DNAH12: variants seen among roughly 807,000 people sequenced by gnomAD.
DNAH12 encodes axonemal beta dynein heavy chain 12.
Under a neutral mutation model 371.5 loss-of-function variants are expected in DNAH12, and 285 were observed. That is an observed-to-expected ratio of 0.77 (90% confidence interval 0.70 to 0.85). The LOEUF (loss-of-function observed/expected upper bound fraction) is 0.85. Among genes scored for constraint, DNAH12 ranks in the 40% least tolerant of loss-of-function variants. The probability of loss-of-function intolerance (pLI) is 0.00; values close to 1 mark genes in which losing one functional copy is unlikely to be tolerated. For missense variants in DNAH12, 3,611 were observed against 3,689.4 expected (o/e 0.98, Z 0.55); for synonymous variants, 1,200 against 1,213.0 (o/e 0.99, Z 0.22).
intron 17 of DNAH12, among the ~76,000 whole-genome samples, chr3:57,467,283 T>C (rs569736884): frequency 2.0e-5 from 3 of 152,092 alleles, no homozygotes; most frequent in Admixed American, 2.0e-4. Flanking sequence ...CATGCTCAAC[T>C]AATTTTTTGT....
chr3:57,361,444 C>CACACAATATATATATATATATATATA (rs1409626573), intron 58 of DNAH12, among the ~76,000 whole-genome samples: 1 of 116,722 alleles, frequency 8.6e-6, no homozygotes, highest in African/African-American at 4.2e-5. Context: ...CACACACACA[C>CACACAATATATATATATATATATATA]TATATATATA....
At chr3:57,438,362 T>C (rs2065196041) in intron 29 of DNAH12, among the ~76,000 whole-genome samples, 1 of 151,566 alleles carries the variant, frequency 6.6e-6, no homozygotes, top group African/African-American at 2.4e-5. Context: ...ACAAAACATC[T>C]TAGCCTGTAT....
At chr3:57,369,878 G>A (rs1414549334) in intron 55 of DNAH12, among the ~76,000 whole-genome samples, 3 of 151,886 alleles carry the variant, frequency 2.0e-5, no homozygotes, top group African/African-American at 7.3e-5. Context: ...AAATGTTCTT[G>A]GTTATCCAAT....
At chr3:57,491,767 T>C (rs989958771) in intron 11 of DNAH12, among the ~76,000 whole-genome samples, 3 of 147,764 alleles carry the variant, frequency 2.0e-5, no homozygotes, top group African/African-American at 7.7e-5. Flanking sequence ...GAAACCCCCA[T>C]CTCTACAAAA....
intron 60 of DNAH12, among the ~76,000 whole-genome samples, chr3:57,348,284 A>G (rs2062591848): frequency 6.6e-6 from 1 of 152,214 alleles, no homozygotes; most frequent in Non-Finnish European, 1.5e-5. Flanking sequence ...AATTCCAACT[A>G]TATAACCCTC....
intron 16 of DNAH12, 111 bp from the exon 17 acceptor site, chr3:57,469,090 G>A (rs2066289795): frequency 9.6e-7 from 1 of 1,041,512 alleles, no homozygotes; most frequent in Non-Finnish European, 1.3e-6. Flanking sequence ...ATGAGGGCAA[G>A]AGCTGTTAAC....
chr3:57,383,550 A>G (rs2153344011), intron 49 of DNAH12, among the ~76,000 whole-genome samples: 1 of 151,396 alleles, frequency 6.6e-6, no homozygotes, highest in Admixed American at 6.6e-5. Context: ...TAAGGAGAGA[A>G]TGCAGAAAGA....
intron 69 of DNAH12, among the ~76,000 whole-genome samples, chr3:57,306,835 C>T (rs56768619): frequency 0.24 from 36,147 of 152,010 alleles, 4,728 homozygotes; most frequent in African/African-American, 0.32. Flanking sequence ...GCCTTATCAA[C>T]CAAATTGTTT....
In DNAH12 at chr3:57,386,245, TG is replaced by T. The variant is rs1346014788; in HGVS notation, c.7602+195del. The stretch of plus-strand genomic sequence containing the variant: ...CTTATTGAACTTCTGTAAAACTTAC[TG>T]TACTCATTTGTAAAATGAGGATCAC... On this transcript the variant is annotated intron_variant, in intron 47 of 73. Coordinates refer to ENST00000495027, the MANE Select transcript of DNAH12 (RefSeq NM_001366028.2). Among the ~76,000 whole-genome samples, 323 of 152,332 alleles carry T rather than the reference TG, an allele frequency of 2.1e-3. 1 individual carries two copies. The highest frequency in any genetic ancestry group is 7.3e-3 in the African/African-American group (304 of 41,572).
At chr3:57,430,505 C>CT (rs1299565878) in intron 32 of DNAH12, among the ~76,000 whole-genome samples, 2 of 152,122 alleles carry the variant, frequency 1.3e-5, no homozygotes, top group Non-Finnish European at 2.9e-5. Flanking sequence ...TCCTTGGTCT[C>CT]TTAATCTAAA....
rs1309848495 is a variant in DNAH12, at chr3:57,310,965, A to G, written c.10663-15T>C. The G allele has an allele frequency of 1.3e-6, 2 of 1,513,228 alleles. No individual in the cohort carries two copies. The highest frequency in any genetic ancestry group is 4.0e-5 in the Admixed American group (2 of 50,382). 93.7% of individuals were successfully genotyped at this position (1,513,228 alleles called of 1,614,324 possible). On this transcript the variant is annotated splice_polypyrimidine_tract_variant and intron_variant, in intron 66 of 73. Transcript: ENST00000495027. ...TTGATAAATAACTGAAGCAAAGGAA[A>G]AATGAAACAAGAAAAACCTTAAAGT...
At chr3:57,480,556 C>G (rs2066703317) in intron 13 of DNAH12, among the ~76,000 whole-genome samples, 1 of 151,050 alleles carries the variant, frequency 6.6e-6, no homozygotes, top group African/African-American at 2.4e-5. Flanking sequence ...AGGGAATCCT[C>G]CCTAACTCAT....
intron 37 of DNAH12, among the ~76,000 whole-genome samples, chr3:57,416,433 T>G (rs1157663676): frequency 1.3e-5 from 2 of 152,184 alleles, no homozygotes; most frequent in African/African-American, 4.8e-5. Flanking sequence ...TTTGAATAGA[T>G]GTAATATCGC....
chr3:57,429,729 T>C lies in DNAH12; in HGVS notation c.5026A>G (p.Ser1676Gly). Residue 1676 changes from serine (S) to glycine (G), a missense_variant, in exon 33 of 74, where the codon AGC becomes GGC. Around this residue, in one of 3 missense-constraint regions of DNAH12, gnomAD observed 2,266 missense variants for 2,236.9 expected, o/e 1.01. Transcript: ENST00000495027. ...GEIIQMSPQMSLIFETMDLSQ... is the reference protein window; with the variant it reads ...GEIIQMSPQMGLIFETMDLSQ... ...AGGTCCATTGTTTCAAAGATGAGGC[T>C]CATTTGGGGGGACATCTGAATGATT... 6.5e-7 allele frequency: 1 copy of C among 1,535,220 alleles called. No homozygotes were observed. The highest frequency in any genetic ancestry group is 8.8e-7 in the Non-Finnish European group (1 of 1,141,310).
At chr3:57,362,383 G>A (rs1426895859) in intron 58 of DNAH12, among the ~76,000 whole-genome samples, 2 of 152,324 alleles carry the variant, frequency 1.3e-5, no homozygotes, top group African/African-American at 4.8e-5. Flanking sequence ...TATATACCCA[G>A]TAATGGGATG....
At chr3:57,396,299 A>AAC (rs2063739028) in intron 43 of DNAH12, among the ~76,000 whole-genome samples, 4 of 145,738 alleles carry the variant, frequency 2.7e-5, no homozygotes, top group Admixed American at 1.4e-4. Context: ...ACAAAAAAAA[A>AAC]AAAAAAAAAA....
At position 57,419,506 on chromosome 3, in the gene DNAH12, CTT is replaced by C. The variant is rs2064497341; in HGVS notation, c.5573_5574del (p.Lys1858ArgfsTer8). Reference sequence around the variant, plus strand: ...AATTCATTCCAATGGACCCAGCGACCTTTGTTTTTCAACTACAAGAAAATATA... The same window carrying C: ...AATTCATTCCAATGGACCCAGCGACCTGTTTTTCAACTACAAGAAAATATA... ...VYDYMYELKN[K>X]GRWVHWNELI... is the part of the protein sequence containing the mutation. On this transcript the variant is annotated frameshift_variant, in exon 37 of 74. Transcript: ENST00000495027. LOFTEE classifies it high-confidence loss of function. 7.0e-7 allele frequency: 1 copy of C among 1,430,442 alleles called. No homozygotes were observed. The highest frequency in any genetic ancestry group is 2.4e-4 in the Middle Eastern group (1 of 4,222). The allele number at this position is 1,430,442 out of a possible 1,614,324, so 88.6% of individuals were successfully genotyped here. A position where few individuals can be genotyped will look rare whatever the true frequency, so the allele number is the denominator to read the frequency against.
chr3:57,468,822 C>T lies in DNAH12; in HGVS notation c.2263G>A (p.Glu755Lys). 2.0e-6 allele frequency: 3 copies of T among 1,537,248 alleles called. No homozygotes were observed. Among genetic ancestry groups the T allele is most frequent in the Non-Finnish European group, 2.6e-6 (3 of 1,143,786 alleles). Residue 755 changes from glutamate (E) to lysine (K), a missense_variant, in exon 17 of 74, where the codon GAA (glutamate) becomes AAA (lysine). Glu to Lys is a moderately conservative substitution (Grantham distance 56). Transcript: ENST00000495027. ...KRKAARKRSL[E>K]EEKIEEEPKD... is the part of the protein sequence containing the mutation. ...GGTTCTTCTTCAATTTTCTCTTCTTCCAAAGACCGTTTTCTTGCTGCCTTT... is the reference window on the plus strand; with the variant it reads ...GGTTCTTCTTCAATTTTCTCTTCTTTCAAAGACCGTTTTCTTGCTGCCTTT...
At chr3:57,553,738 T>C in the DNAH12 span, among the ~76,000 whole-genome samples, 26 of 152,152 alleles carry the variant, frequency 1.7e-4, no homozygotes, top group African/African-American at 6.0e-4. Flanking sequence ...GCAACAGTTT[T>C]ATGACTTTAA....
Sources: gnomAD v4.1 joint callset for allele counts (sites outside exome capture counted in the v4.1 genomes callset) on GRCh38, gnomAD v4.1.1 for gene constraint, gnomAD v4.1.1 regional missense constraint, MANE v1.5 for transcripts, NCBI Gene and HGNC (gene_info 2026-07-23, HGNC 2026-07-21) for gene names.